The following ADAMTS20 variants were observed in gnomAD, a reference collection of about 807,000 sequenced individuals.
ADAMTS20 encodes A disintegrin and metalloproteinase with thrombospondin motifs 20.
ADAMTS20 carries 225 observed loss-of-function variants against 260.1 expected under a neutral mutation model. That is an observed-to-expected ratio of 0.87 (90% CI 0.78 to 0.97). The LOEUF is 0.97. ADAMTS20 is among the 50% of genes least tolerant of loss of function. The pLI is 0.00. For synonymous variants in ADAMTS20, 802 were observed against 769.5 expected (o/e 1.04, Z -0.70); for missense variants, 2,400 against 2,337.7 (o/e 1.03, Z -0.55).
At chr12:43,498,143 G>A (rs1223622546) in intron 4 of ADAMTS20, among the ~76,000 whole-genome samples, 1 of 152,076 alleles carries the variant, frequency 6.6e-6, no homozygotes, top group South Asian at 2.1e-4. Flanking sequence ...AGATATATTA[G>A]TGTGTTCTTC....
intron 36 of ADAMTS20, among the ~76,000 whole-genome samples, chr12:43,371,258 TAACTC>T (rs1198043450): frequency 6.6e-6 from 1 of 152,198 alleles, no homozygotes; most frequent in African/African-American, 2.4e-5. Flanking sequence ...CCTCTTTTGT[TAACTC>T]AAAGTTGTCT....
intron 29 of ADAMTS20, among the ~76,000 whole-genome samples, chr12:43,398,264 C>T (rs1940742983): frequency 6.6e-6 from 1 of 152,134 alleles, no homozygotes; most frequent in Non-Finnish European, 1.5e-5. Context: ...GTCAATATTT[C>T]CCAAGCTGGT....
intron 4 of ADAMTS20, among the ~76,000 whole-genome samples, chr12:43,495,948 T>C (rs1383294312): frequency 6.6e-6 from 1 of 152,176 alleles, no homozygotes. Flanking sequence ...TATATTTAGA[T>C]GTTTAAAGGT....
intron 4 of ADAMTS20, among the ~76,000 whole-genome samples, chr12:43,501,672 G>T (rs1028352745): frequency 1.3e-5 from 2 of 152,114 alleles, no homozygotes; most frequent in African/African-American, 4.8e-5. Context: ...TAGGACTGTT[G>T]CATTAGTAAT....
intron 9 of ADAMTS20, among the ~76,000 whole-genome samples, chr12:43,465,157 T>C (rs146405688): frequency 1.3e-5 from 2 of 152,242 alleles, no homozygotes; most frequent in African/African-American, 4.8e-5. Flanking sequence ...AGTATATTTC[T>C]AGTCCTAAAC....
intron 6 of ADAMTS20, among the ~76,000 whole-genome samples, chr12:43,492,249 G>A (rs1942610907): frequency 6.6e-6 from 1 of 151,956 alleles, no homozygotes; most frequent in Non-Finnish European, 1.5e-5. Flanking sequence ...GCGTGGTGGC[G>A]GGCGCCTGTA....
At chr12:43,412,795 G>C (rs1009087021) in intron 28 of ADAMTS20, among the ~76,000 whole-genome samples, 2 of 147,204 alleles carry the variant, frequency 1.4e-5, no homozygotes, top group Admixed American at 6.9e-5. Flanking sequence ...TAGCAGAATA[G>C]GAAATAATTT....
At chr12:43,404,219 A>ACACACAC (rs2137259485) in intron 28 of ADAMTS20, among the ~76,000 whole-genome samples, 1 of 150,748 alleles carries the variant, frequency 6.6e-6, no homozygotes, top group African/African-American at 2.4e-5. Flanking sequence ...ACACACACAC[A>ACACACAC]AATAGAAAGC....
intron 2 of ADAMTS20, among the ~76,000 whole-genome samples, chr12:43,543,912 A>G (rs1483807430): frequency 6.6e-6 from 1 of 152,250 alleles, no homozygotes; most frequent in Non-Finnish European, 1.5e-5. Context: ...TACTATAGTT[A>G]TAAATTATAT....
intron 7 of ADAMTS20, among the ~76,000 whole-genome samples, chr12:43,487,924 G>A (rs560397655): frequency 1.3e-5 from 2 of 152,090 alleles, no homozygotes; most frequent in Admixed American, 6.6e-5. Flanking sequence ...AGTGCATACC[G>A]AAATTTTATA....
At chr12:43,410,945 T>C (rs1279174271) in intron 28 of ADAMTS20, among the ~76,000 whole-genome samples, 2 of 152,230 alleles carry the variant, frequency 1.3e-5, no homozygotes, top group South Asian at 2.1e-4. Flanking sequence ...CAATTGAAAA[T>C]TGTCTTCAAA....
At chr12:43,378,884 G>T (rs993964498) in intron 31 of ADAMTS20, among the ~76,000 whole-genome samples, 7 of 152,170 alleles carry the variant, frequency 4.6e-5, no homozygotes, top group Non-Finnish European at 1.0e-4. Flanking sequence ...TCTAGAAACT[G>T]ACCAAAGACT....
At chr12:43,501,503 A>ACACACACACACACACACACACACG (rs1565574033) in intron 4 of ADAMTS20, among the ~76,000 whole-genome samples, 1 of 96,872 alleles carries the variant, frequency 1.0e-5, no homozygotes, top group African/African-American at 4.6e-5. Context: ...ACACACACAC[A>ACACACACACACACACACACACACG]TGTAAGGATG....
chr12:43,535,416 G>A (rs1943281112), intron 2 of ADAMTS20, among the ~76,000 whole-genome samples: 1 of 152,092 alleles, frequency 6.6e-6, no homozygotes, highest in African/African-American at 2.4e-5. Context: ...TGTCAGAGGA[G>A]TCCATAAACT....
At chr12:43,486,936 T>A (rs1942530578) in intron 7 of ADAMTS20, among the ~76,000 whole-genome samples, 1 of 152,120 alleles carries the variant, frequency 6.6e-6, no homozygotes, top group African/African-American at 2.4e-5. Context: ...GATATTGGCA[T>A]AGATGTGGTA....
intron 37 of ADAMTS20, among the ~76,000 whole-genome samples, chr12:43,362,801 C>T (rs1211189305): frequency 6.9e-6 from 1 of 144,282 alleles, no homozygotes; most frequent in Non-Finnish European, 1.5e-5. Flanking sequence ...ACATTGTGCA[C>T]ATGTACCTTA....
chr12:43,527,897 T>C (rs1473177788), intron 3 of ADAMTS20, among the ~76,000 whole-genome samples: 3 of 152,072 alleles, frequency 2.0e-5, no homozygotes, highest in Non-Finnish European at 4.4e-5. Flanking sequence ...GAAGTCCAAC[T>C]ATCTCTGTTT....
At chr12:43,428,859 T>G in intron 24 of ADAMTS20, 60 bp from the exon 25 acceptor site, 8 of 1,407,706 alleles carry the variant, frequency 5.7e-6, no homozygotes, top group Non-Finnish European at 7.5e-6. Flanking sequence ...CCATGTCCCT[T>G]TTACATAGCT....
At chr12:43,534,769 G>T (rs1263780445) in intron 2 of ADAMTS20, among the ~76,000 whole-genome samples, 1 of 152,056 alleles carries the variant, frequency 6.6e-6, no homozygotes, top group Non-Finnish European at 1.5e-5. Flanking sequence ...CATAATAAAG[G>T]AAGAAACCCT....
Sources: allele counts gnomAD v4.1 joint callset (sites outside exome capture counted in the v4.1 genomes callset), GRCh38; gene constraint gnomAD v4.1.1; transcripts MANE v1.5; gene names NCBI Gene and HGNC (gene_info 2026-07-23, HGNC 2026-07-21).